PALLD: variants seen among roughly 807,000 people sequenced by gnomAD.
The protein encoded by PALLD is palladin.
A neutral mutation model predicts 123.5 loss-of-function variants in PALLD; 61 were observed. The ratio of observed to expected loss-of-function variants is 0.49; its 90% CI spans 0.40 to 0.61. PALLD has a LOEUF of 0.61. PALLD is among the 20% of genes least tolerant of loss of function. The probability of loss-of-function intolerance (pLI) is 0.00; values close to 1 mark genes in which losing one functional copy is unlikely to be tolerated. For synonymous variants in PALLD, 465 were observed against 496.4 expected, an observed-to-expected ratio of 0.94 and a Z score of 0.84; for missense variants, 1,273 against 1,377.0, an observed-to-expected ratio of 0.92 and a Z score of 1.20.
In PALLD at chr4:168,511,404, A is replaced by G; in HGVS notation, c.-82-19A>G. 1.1e-6 allele frequency: 1 copy of G among 874,338 alleles called. No homozygotes were observed. Among genetic ancestry groups the G allele is most frequent in the Non-Finnish European group, 1.9e-6 (1 of 526,574 alleles). The allele number at this position is 874,338 out of a possible 1,614,324, so 54.2% of individuals were successfully genotyped here. On this transcript the variant is annotated intron_variant, in intron 1 of 21. Coordinates refer to ENST00000505667, the MANE Select transcript of PALLD (RefSeq NM_001166108.2). ...GGAAAAAATCATTGCTACTAATGACATTCTATGCTGTCTTTCAGAACACAG... is the reference window on the plus strand; with the variant it reads ...GGAAAAAATCATTGCTACTAATGACGTTCTATGCTGTCTTTCAGAACACAG...
chr4:168,797,460 C>G (rs1031365359), intron 10 of PALLD, among the ~76,000 whole-genome samples: 11 of 152,000 alleles, frequency 7.2e-5, no homozygotes, highest in African/African-American at 2.7e-4. Flanking sequence ...AGGAGTTTAT[C>G]AGATCACCCT....
chr4:168,650,174 GAAAGA>G (rs548170394), intron 2 of PALLD, among the ~76,000 whole-genome samples: 2 of 151,892 alleles, frequency 1.3e-5, no homozygotes, highest in African/African-American at 2.4e-5. Flanking sequence ...GACTCCATCT[GAAAGA>G]AAAGAAAAGA....
chr4:168,698,204 G>C (rs1447618561), intron 8 of PALLD, among the ~76,000 whole-genome samples: 1 of 152,096 alleles, frequency 6.6e-6, no homozygotes, highest in African/African-American at 2.4e-5. Context: ...GGCTGGGAGG[G>C]GTATTGAGAG....
intron 10 of PALLD, among the ~76,000 whole-genome samples, chr4:168,759,342 T>C (rs1166098511): frequency 6.6e-6 from 1 of 150,612 alleles, no homozygotes; most frequent in Admixed American, 6.7e-5. Context: ...TATAGTAGGA[T>C]TTTAAAATGC....
intron 11 of PALLD, among the ~76,000 whole-genome samples, chr4:168,892,930 G>T (rs528406207): frequency 1.4e-4 from 21 of 152,102 alleles, no homozygotes; most frequent in African/African-American, 5.1e-4. Context: ...GACAAGTAAG[G>T]TTTCCCTTTT....
intron 2 of PALLD, among the ~76,000 whole-genome samples, chr4:168,533,233 A>T (rs1764765003): frequency 6.6e-6 from 1 of 152,148 alleles, no homozygotes. Flanking sequence ...AAATTATTTT[A>T]AAAATATCTT....
intron 8 of PALLD, 35 bp downstream of exon 8, chr4:168,691,327 TG>T (rs574687212): frequency 1.3e-6 from 2 of 1,559,926 alleles, no homozygotes; most frequent in Admixed American, 1.7e-5. Context: ...TTTTTGGTGG[TG>T]GGGGAGCAGA....
chr4:168,531,893 CT>C (rs999141163), intron 2 of PALLD, among the ~76,000 whole-genome samples: 1 of 151,888 alleles, frequency 6.6e-6, no homozygotes. Context: ...AAAAGCCCTC[CT>C]TTTTTTTCTT....
At chr4:168,548,272 A>G (rs1440562450) in intron 2 of PALLD, among the ~76,000 whole-genome samples, 1 of 152,078 alleles carries the variant, frequency 6.6e-6, no homozygotes, top group Non-Finnish European at 1.5e-5. Flanking sequence ...GCTCTGACTT[A>G]AAAATGGAAG....
chr4:168,626,319 G>A (rs924761348), intron 2 of PALLD, among the ~76,000 whole-genome samples: 2 of 150,714 alleles, frequency 1.3e-5, no homozygotes, highest in Non-Finnish European at 3.0e-5. Flanking sequence ...GGAGAATGGC[G>A]TGAACCGGGA....
chr4:168,560,831 C>T (rs1191760319), intron 2 of PALLD, among the ~76,000 whole-genome samples: 4 of 152,170 alleles, frequency 2.6e-5, no homozygotes, highest in Non-Finnish European at 5.9e-5. Context: ...AGAAAGCTGA[C>T]CTACCAGTTG....
At chr4:168,600,062 T>C (rs1317326119) in intron 2 of PALLD, among the ~76,000 whole-genome samples, 1 of 147,568 alleles carries the variant, frequency 6.8e-6, no homozygotes, top group African/African-American at 2.6e-5. Context: ...CATATATACA[T>C]ACATGTGTAT....
chr4:168,925,497 A>C, intron 21 of PALLD: 2 of 542,628 alleles, frequency 3.7e-6, no homozygotes, highest in Non-Finnish European at 6.7e-6. Flanking sequence ...TGCACTCTAA[A>C]CGTGTGTTCC....
chr4:168,819,546 A>G (rs1742426662), intron 10 of PALLD, among the ~76,000 whole-genome samples: 2 of 152,254 alleles, frequency 1.3e-5, no homozygotes, highest in Non-Finnish European at 2.9e-5. Context: ...AGATCACATA[A>G]TAAACTGTTC....
intron 2 of PALLD, among the ~76,000 whole-genome samples, chr4:168,547,439 G>T (rs1766247486): frequency 6.6e-6 from 1 of 151,762 alleles, no homozygotes; most frequent in African/African-American, 2.4e-5. Context: ...TCTCCTTCCA[G>T]GCCAGGCATG....
intron 3 of PALLD, among the ~76,000 whole-genome samples, chr4:168,678,839 G>A (rs974314631): frequency 6.7e-6 from 1 of 150,116 alleles, no homozygotes; most frequent in African/African-American, 2.4e-5. Context: ...TATGGTGTGC[G>A]TGTGTGGTGT....
At position 168,923,268 on chromosome 4, in the gene PALLD, TCTAA is replaced by T. The variant is rs998939167; in HGVS notation, c.3059-980_3059-977del. ...GTAAAATTCAATAAAAATCCAACCT[TCTAA>T]CTAACTCGTGGTGTTGGAGAGTATT... is the stretch of plus-strand genomic sequence containing the variant. On this transcript the variant is annotated intron_variant, in intron 18 of 21. Transcript: ENST00000505667. 4.6e-5 allele frequency among the ~76,000 whole-genome samples: 7 copies of T among 152,324 alleles called. No homozygotes were observed. In the South Asian group the frequency reaches 1.0e-3, roughly 23 times the overall value.
At chr4:168,541,667 A>C (rs1310532289) in intron 2 of PALLD, among the ~76,000 whole-genome samples, 2 of 151,894 alleles carry the variant, frequency 1.3e-5, no homozygotes, top group Non-Finnish European at 2.9e-5. Flanking sequence ...TGGCCAGGCT[A>C]GTCGCAAACT....
At chr4:168,631,678 G>A in intron 2 of PALLD, 1 of 985,470 alleles carries the variant, frequency 1.0e-6, no homozygotes, top group Non-Finnish European at 1.2e-6. Flanking sequence ...TGCGCCGCCA[G>A]GAGGCTTCCC....
Sources: allele counts gnomAD v4.1 joint callset (sites outside exome capture counted in the v4.1 genomes callset), GRCh38; gene constraint gnomAD v4.1.1; transcripts MANE v1.5; gene names NCBI Gene and HGNC (gene_info 2026-07-23, HGNC 2026-07-21).